The following BTBD9 variants were observed in gnomAD, a reference collection of about 807,000 sequenced individuals.
BTBD9 encodes the protein BTB/POZ domain-containing protein 9.
In BTBD9, 49 loss-of-function variants were observed where a neutral mutation model predicts 64.3. The ratio of observed to expected loss-of-function variants is 0.76; its 90% CI spans 0.61 to 0.97. The LOEUF is 0.97. Ranked by LOEUF, BTBD9 falls within the 50% of genes least tolerant of loss-of-function variation. BTBD9 has a pLI of 0.00. For missense variants in BTBD9, 598 were observed against 762.1 expected, an observed-to-expected ratio of 0.78 and a Z score of 2.53; for synonymous variants, 260 against 274.7, an observed-to-expected ratio of 0.95 and a Z score of 0.53.
chr6:38,320,175 T>C (rs566797683), intron 7 of BTBD9, among the ~76,000 whole-genome samples: 5 of 152,304 alleles, frequency 3.3e-5, no homozygotes, highest in South Asian at 2.1e-4. Flanking sequence ...AATTCAAGAC[T>C]GTCATTCCTA....
Position 38,379,382 on chromosome 6 carries a change from C to T in BTBD9, c.1155-34289G>A, listed in dbSNP as rs78487712. ...TCAAAAGACTTGAATATTAAAGGCT[C>T]TCATCACCACTGTAATCTCTGTAAT... On this transcript the variant is annotated intron_variant, in intron 6 of 10. Coordinates refer to ENST00000481247, the MANE Select transcript of BTBD9 (RefSeq NM_001099272.2). Among the ~76,000 whole-genome samples, 155 of 152,314 alleles carry T rather than the reference C, an allele frequency of 1.0e-3. 4 individuals are homozygous for T. In the East Asian group the frequency reaches 0.016, roughly 16 times the overall value.
In BTBD9 at chr6:38,603,729, C is replaced by T. The variant is rs147186092; in HGVS notation, c.-27-5608G>A. Among the ~76,000 whole-genome samples, 89 of 152,318 alleles carry T rather than the reference C, an allele frequency of 5.8e-4. No homozygotes were observed. The East Asian group carries it at 0.013, about 22-fold the overall frequency. On this transcript the variant is annotated intron_variant, in intron 1 of 10. Coordinates refer to ENST00000481247, the MANE Select transcript of BTBD9 (RefSeq NM_001099272.2). The stretch of plus-strand genomic sequence containing the variant: ...AATCTCCCCTGGGAAGCCCTCTCTG[C>T]CAGGTGTATTTCCTGACTGAAAAGC...
chr6:38,380,930 A>C (rs555440438), intron 6 of BTBD9, among the ~76,000 whole-genome samples: 1 of 152,326 alleles, frequency 6.6e-6, no homozygotes, highest in South Asian at 2.1e-4. Flanking sequence ...CAAATTAAAA[A>C]TGCATGTTAA....
At position 38,479,634 on chromosome 6, in the gene BTBD9, G is replaced by A. The variant is rs1771041052; in HGVS notation, c.1154+97966C>T. Among the ~76,000 whole-genome samples the A allele has an allele frequency of 2.0e-5, 3 of 152,186 alleles. No homozygotes were observed. In the South Asian group the frequency reaches 6.2e-4, roughly 32 times the overall value. ...CCACCAAGTCCCACTGATGTAGTTG[G>A]TATTACTACTGCTCAATCAACACCT... On this transcript the variant is annotated intron_variant, in intron 6 of 10. Coordinates refer to ENST00000481247, the MANE Select transcript of BTBD9 (RefSeq NM_001099272.2).
intron 9 of BTBD9, among the ~76,000 whole-genome samples, chr6:38,222,444 A>G (rs1388447301): frequency 6.6e-6 from 1 of 151,782 alleles, no homozygotes; most frequent in Non-Finnish European, 1.5e-5. Context: ...TATTTTTAGT[A>G]GAGACGGGGT....
intron 6 of BTBD9, among the ~76,000 whole-genome samples, chr6:38,423,059 G>A (rs150315301): frequency 6.6e-6 from 1 of 152,114 alleles, no homozygotes; most frequent in South Asian, 2.1e-4. Context: ...GTGGCCAGGA[G>A]TTCGAGATCA....
At chr6:38,217,318 C>CAAAAAAAAAAAA (rs3047754) in intron 9 of BTBD9, among the ~76,000 whole-genome samples, 2 of 69,266 alleles carry the variant, frequency 2.9e-5, no homozygotes, top group Non-Finnish European at 5.2e-5. Context: ...GACTCCATCT[C>CAAAAAAAAAAAA]AAAAAAAAAA....
chr6:38,531,343 A>C (rs934263145), intron 6 of BTBD9, among the ~76,000 whole-genome samples: 2 of 152,218 alleles, frequency 1.3e-5, no homozygotes, highest in African/African-American at 2.4e-5. Context: ...GTACTCAGCA[A>C]AAATATCATT....
At chr6:38,215,616 A>G (rs1213097357) in intron 9 of BTBD9, among the ~76,000 whole-genome samples, 2 of 152,200 alleles carry the variant, frequency 1.3e-5, no homozygotes, top group Admixed American at 6.5e-5. Flanking sequence ...GAAAAGTTCA[A>G]CGGAGTGTGT....
intron 6 of BTBD9, among the ~76,000 whole-genome samples, chr6:38,436,701 A>G (rs750252963): frequency 6.7e-6 from 1 of 149,958 alleles, no homozygotes; most frequent in Non-Finnish European, 1.5e-5. Flanking sequence ...ATATATGTTG[A>G]CATCAACTTT....
Position 38,365,881 on chromosome 6 carries a change from T to C in BTBD9, c.1155-20788A>G, listed in dbSNP as rs1042875431. ...AATAATTATGGAAAAATAATTTCTG[T>C]ATTTAAAAACTGGAAGGAGAGACTG... On this transcript the variant is annotated intron_variant, in intron 6 of 10. Transcript: ENST00000481247. 5.9e-5 allele frequency among the ~76,000 whole-genome samples: 9 copies of C among 152,288 alleles called. No individual in the cohort carries two copies. In the South Asian group the frequency reaches 1.9e-3, roughly 32 times the overall value.
At chr6:38,292,521 C>T (rs745678790) in intron 7 of BTBD9, among the ~76,000 whole-genome samples, 24 of 152,038 alleles carry the variant, frequency 1.6e-4, no homozygotes, top group Non-Finnish European at 2.6e-4. Flanking sequence ...TTCAGGGATT[C>T]GACTTCTTCC....
intron 9 of BTBD9, among the ~76,000 whole-genome samples, chr6:38,215,231 GCTTA>G (rs1561883433): frequency 6.6e-6 from 1 of 152,106 alleles, no homozygotes; most frequent in African/African-American, 2.4e-5. Flanking sequence ...GGTCATGAGG[GCTTA>G]CTGTCTGGCA....
chr6:38,574,133 A>G (rs1420483817), intron 6 of BTBD9, among the ~76,000 whole-genome samples: 1 of 152,208 alleles, frequency 6.6e-6, no homozygotes, highest in East Asian at 1.9e-4. Context: ...ACTCACGAAC[A>G]TTCCTAAAAT....
intron 6 of BTBD9, among the ~76,000 whole-genome samples, chr6:38,534,710 G>A (rs1773945658): frequency 6.6e-6 from 1 of 152,078 alleles, no homozygotes; most frequent in Non-Finnish European, 1.5e-5. Flanking sequence ...TGCAAGGATA[G>A]TTTAACATAT....
intron 8 of BTBD9, among the ~76,000 whole-genome samples, chr6:38,272,831 A>G (rs1765239896): frequency 6.6e-6 from 1 of 152,134 alleles, no homozygotes; most frequent in African/African-American, 2.4e-5. Context: ...TAACCTCAGA[A>G]AGGAGATGAA....
At position 38,171,873 on chromosome 6, in the gene BTBD9, A is replaced by T. The variant is rs1290781736; in HGVS notation, c.*3112T>A. The T allele has an allele frequency of 8.1e-5, 10 of 123,294 alleles. No homozygotes were observed. The South Asian group carries it at 1.2e-3, about 15-fold the overall frequency. 7.6% of individuals were successfully genotyped at this position (123,294 alleles called of 1,614,324 possible). On this transcript the variant is annotated 3_prime_UTR_variant, in exon 11 of 11. Coordinates refer to ENST00000481247, the MANE Select transcript of BTBD9 (RefSeq NM_001099272.2). ...AAAAAAAAAAAAAAAAAAAAAAAAA[A>T]AAAAAAAAATAATAATAATAATAAT...
rs1582699027 is a variant in BTBD9 at position 38,599,451 on chromosome 6, A to G, written c.-27-1330T>C. Among the ~76,000 whole-genome samples, 3 of 152,276 alleles carry G rather than the reference A, an allele frequency of 2.0e-5. No individual in the cohort carries two copies. The Middle Eastern group carries it at 0.01, about 518-fold the overall frequency. ...CAGGTGTACACCATCATGGCCAGCT[A>G]ATTGCAGGTACTGCTTTGATAAGTG... is the stretch of plus-strand genomic sequence containing the variant. On this transcript the variant is annotated intron_variant, in intron 1 of 10. Transcript: ENST00000481247.
intron 9 of BTBD9, among the ~76,000 whole-genome samples, chr6:38,243,740 G>C (rs1764088860): frequency 6.6e-6 from 1 of 152,148 alleles, no homozygotes; most frequent in South Asian, 2.1e-4. Flanking sequence ...TTTAGTTTGA[G>C]ACAAGTTGTG....
Sources: allele counts gnomAD v4.1 joint callset (sites outside exome capture counted in the v4.1 genomes callset), GRCh38; gene constraint gnomAD v4.1.1; transcripts MANE v1.5; gene names NCBI Gene and HGNC (gene_info 2026-07-23, HGNC 2026-07-21).